SLC6A3: variants seen among roughly 807,000 people sequenced by gnomAD.
SLC6A3 encodes the protein sodium-dependent dopamine transporter.
SLC6A3 carries 19 observed loss-of-function variants against 70.4 expected under a neutral mutation model. The ratio of observed to expected loss-of-function variants is 0.27; its 90% confidence interval spans 0.19 to 0.40. The LOEUF (loss-of-function observed/expected upper bound fraction) is 0.40. SLC6A3 is among the 10% of genes least tolerant of loss of function. The pLI is 1.00. For missense variants in SLC6A3, 613 were observed against 838.5 expected, an observed-to-expected ratio of 0.73 and a Z score of 3.32; for synonymous variants, 368 against 356.6, an observed-to-expected ratio of 1.03 and a Z score of -0.36.
Position 1,432,525 on chromosome 5 carries a change from T to C in SLC6A3, c.592A>G (p.Ser198Gly). 1 of 1,614,216 alleles carries C rather than the reference T, an allele frequency of 6.2e-7. No homozygotes were observed. The highest frequency in any genetic ancestry group is 2.2e-5 in the East Asian group (1 of 44,884). ...NCSDAHPGDS[S>G]GDSSGLNDTF... The stretch of plus-strand genomic sequence containing the variant: ...TCGTTGAGGCCCGAGCTGTCTCCAC[T>C]GGAGTCACCAGGATGGGCATCCGAG... Residue 198 changes from serine (S) to glycine (G), a missense_variant, in exon 4 of 15, where the codon AGT becomes GGT. Physicochemically the swap from Ser to Gly is moderately conservative, Grantham distance 56. Coordinates refer to ENST00000270349, the MANE Select transcript of SLC6A3 (RefSeq NM_001044.5).
At chr5:1,425,042 G>A (rs933763232) in intron 4 of SLC6A3, among the ~76,000 whole-genome samples, 9 of 152,358 alleles carry the variant, frequency 5.9e-5, no homozygotes, top group African/African-American at 2.2e-4. Context: ...CCTACGTGCA[G>A]GTGTTTCATA....
chr5:1,443,164 A>G lies in SLC6A3; in HGVS notation c.34T>C (p.Ser12Pro), dbSNP rs149180162. The change falls in exon 2 of 15, where the codon TCT (serine) becomes CCT (proline). Residue 12 changes from serine (S) to proline (P), a missense_variant. Coordinates refer to ENST00000270349, the MANE Select transcript of SLC6A3 (RefSeq NM_001044.5). ...SKSKCSVGLM[S>P]SVVAPAKEPN... ...TCCTTAGCCGGGGCCACCACGGAAG[A>G]CATGAGTCCCACGGAGCATTTGCTC... is the stretch of plus-strand genomic sequence containing the variant. 2.0e-5 allele frequency: 33 copies of G among 1,614,134 alleles called. No individual in the cohort carries two copies. The African/African-American group carries it at 3.9e-4, about 19-fold the overall frequency.
chr5:1,400,538 C>T (rs1416717565), intron 14 of SLC6A3, among the ~76,000 whole-genome samples: 1 of 152,224 alleles, frequency 6.6e-6, no homozygotes, highest in Non-Finnish European at 1.5e-5. Context: ...CAGGCCTCCC[C>T]TCCTGGCACT....
At chr5:1,400,092 T>C (rs1314417803) in intron 14 of SLC6A3, among the ~76,000 whole-genome samples, 1 of 152,210 alleles carries the variant, frequency 6.6e-6, no homozygotes, top group Non-Finnish European at 1.5e-5. Flanking sequence ...TTCTCTCCCT[T>C]TTGCTGTGCA....
chr5:1,423,701 C>T (rs1212623835), intron 4 of SLC6A3, among the ~76,000 whole-genome samples: 1 of 152,220 alleles, frequency 6.6e-6, no homozygotes, highest in Admixed American at 6.5e-5. Flanking sequence ...GAACTCATTC[C>T]ATCCTGGTGA....
At chr5:1,432,804 C>T (rs974741917) in intron 3 of SLC6A3, 106 bp from the exon 4 acceptor site, 2 of 798,082 alleles carry the variant, frequency 2.5e-6, no homozygotes, top group Admixed American at 2.0e-5. Flanking sequence ...ACCCTGAGCC[C>T]ACAACTCCTG....
chr5:1,395,260 A>G (rs766464609), intron 14 of SLC6A3, among the ~76,000 whole-genome samples: 3 of 152,236 alleles, frequency 2.0e-5, no homozygotes, highest in Non-Finnish European at 2.9e-5. Flanking sequence ...TGCAGCGTGT[A>G]CTGACTGCTC....
chr5:1,401,499 A>G lies in SLC6A3; in HGVS notation c.1768-513T>C, dbSNP rs1456281510. Among the ~76,000 whole-genome samples the G allele has an allele frequency of 2.0e-5, 3 of 152,124 alleles. No homozygotes were observed. The highest frequency in any genetic ancestry group is 7.2e-5 in the African/African-American group (3 of 41,430). On this transcript the variant is annotated intron_variant, in intron 13 of 14. Transcript: ENST00000270349. This position sits in a 1 kb window ranked among gnomAD's most constrained non-coding sequence, Gnocchi z 6.1. The stretch of plus-strand genomic sequence containing the variant: ...AGCTCCTGGGGCCTGGACAGCACCA[A>G]GTCCTCCCAGAGCAGGCAGCATCTT...
rs1322991409 is a variant in SLC6A3 at position 1,394,425 on chromosome 5, A to T, written c.*310T>A. 1.9e-6 allele frequency: 1 copy of T among 526,780 alleles called. No homozygotes were observed. Among genetic ancestry groups the T allele is most frequent in the Non-Finnish European group, 3.4e-6 (1 of 291,156 alleles). The allele number at this position is 526,780 out of a possible 1,614,324, so 32.6% of individuals were successfully genotyped here. The stretch of plus-strand genomic sequence containing the variant: ...TCAGAGCCGGGAGCAGGGAGCAGGG[A>T]GGGAGGGAGCCTCACACAGACAGCA... On this transcript the variant is annotated 3_prime_UTR_variant, in exon 15 of 15. Transcript: ENST00000270349. The surrounding 1 kb of genome is among the most constrained non-coding windows in gnomAD (Gnocchi z 4.7).
At chr5:1,418,094 G>A (rs1266658390) in intron 6 of SLC6A3, among the ~76,000 whole-genome samples, 2 of 152,190 alleles carry the variant, frequency 1.3e-5, no homozygotes, top group Non-Finnish European at 2.9e-5. Context: ...GAGTGGCTGG[G>A]TGGGCAGTGG....
chr5:1,426,622 G>T (rs1227348436), intron 4 of SLC6A3, among the ~76,000 whole-genome samples: 2 of 152,122 alleles, frequency 1.3e-5, no homozygotes, highest in African/African-American at 4.8e-5. Context: ...GCCTTAAAAA[G>T]GAATGAAATT....
chr5:1,443,027 G>A lies in SLC6A3; in HGVS notation c.171C>T (p.Ala57=), dbSNP rs1156842746. Residue 57 remains alanine, a synonymous_variant, in exon 2 of 15, where the codon GCC becomes GCT. Transcript: ENST00000270349. ...LTNPRQSPVE[A]QDRETWGKKI... is the part of the protein sequence containing the mutation. ...TCTTGCCCCAGGTCTCCCGATCCTG[G>A]GCCTCCACGGGGCTCTGCCGCGGGT... 2 of 1,614,224 alleles carry A rather than the reference G, an allele frequency of 1.2e-6. No individual in the cohort carries two copies. Among genetic ancestry groups the A allele is most frequent in the South Asian group, 1.1e-5 (1 of 91,090 alleles).
rs930870646 is a variant in SLC6A3 at position 1,397,985 on chromosome 5, T to C, written c.1839+2930A>G. Among the ~76,000 whole-genome samples, 1 of 152,206 alleles carries C rather than the reference T, an allele frequency of 6.6e-6. No individual in the cohort carries two copies. The highest frequency in any genetic ancestry group is 1.5e-5 in the Non-Finnish European group (1 of 68,042). ...AGTAGGAGGAAGATTTAAGTCCTTA[T>C]AATGGGATGGGGTTAAAATATGGTT... On this transcript the variant is annotated intron_variant, in intron 14 of 14. Transcript: ENST00000270349. This position sits in a 1 kb window ranked among gnomAD's most constrained non-coding sequence, Gnocchi z 4.7.
intron 4 of SLC6A3, among the ~76,000 whole-genome samples, chr5:1,426,844 A>G (rs2173947): frequency 0.21 from 32,635 of 152,146 alleles, 3,551 homozygotes; most frequent in South Asian, 0.27. Flanking sequence ...GGAGGAGGAG[A>G]AAGTTCCAAT....
In SLC6A3 at chr5:1,441,426, C is replaced by A; in HGVS notation, c.351G>T (p.Glu117Asp). 2 of 1,614,232 alleles carry A rather than the reference C, an allele frequency of 1.2e-6. No individual in the cohort carries two copies. The highest frequency in any genetic ancestry group is 1.7e-6 in the Non-Finnish European group (2 of 1,180,026). The change falls in exon 3 of 15, where the codon GAG becomes GAT. Residue 117 changes from glutamate to aspartate, a missense_variant. Physicochemically the swap from Glu to Asp is conservative, Grantham distance 45. Around this residue, in one of 4 missense-constraint regions of SLC6A3, gnomAD observed 153 missense variants for 249.4 expected, o/e 0.61. Transcript: ENST00000270349. ...VIAGMPLFYM[E>D]LALGQFNREG... ...CCCTGTTGAACTGGCCGAGGGCCAGCTCCATGTAGAAAAGTGGCATCCCAG... is the reference window on the plus strand; with the variant it reads ...CCCTGTTGAACTGGCCGAGGGCCAGATCCATGTAGAAAAGTGGCATCCCAG...
Position 1,413,969 on chromosome 5 carries a change from C to T in SLC6A3, c.1156+722G>A, listed in dbSNP as rs966813348. Among the ~76,000 whole-genome samples the T allele has an allele frequency of 6.6e-6, 1 of 151,732 alleles. No individual in the cohort carries two copies. Among genetic ancestry groups the T allele is most frequent in the South Asian group, 2.3e-4 (1 of 4,358 alleles). Reference sequence around the variant, plus strand: ...GGCCTCCCCCCACCACTCACCTGTGCCTGCCCGAGACCTGGACCCCTCCCC... The same window carrying T: ...GGCCTCCCCCCACCACTCACCTGTGTCTGCCCGAGACCTGGACCCCTCCCC... On this transcript the variant is annotated intron_variant, in intron 8 of 14. Transcript: ENST00000270349. This position sits in a 1 kb window ranked among gnomAD's most constrained non-coding sequence, Gnocchi z 7.1.
chr5:1,417,222 A>G (rs1003629280), intron 6 of SLC6A3, among the ~76,000 whole-genome samples: 2 of 147,152 alleles, frequency 1.4e-5, no homozygotes, highest in African/African-American at 5.1e-5. Flanking sequence ...ATCATCCACA[A>G]GCTGCATGAT....
rs547897828 is a variant in SLC6A3, at chr5:1,439,057, G to A, written c.418+2302C>T. Among the ~76,000 whole-genome samples the A allele has an allele frequency of 1.8e-3, 270 of 152,324 alleles. 1 individual carries two copies. The highest frequency in any genetic ancestry group is 3.1e-3 in the Non-Finnish European group (212 of 68,034). On this transcript the variant is annotated intron_variant, in intron 3 of 14. Transcript: ENST00000270349. Reference sequence around the variant, plus strand: ...GCCAGGCAGGACACAGGTAACGCGTGTGTCTTGAACTGTTAGCCTGGGTTC... The same window carrying A: ...GCCAGGCAGGACACAGGTAACGCGTATGTCTTGAACTGTTAGCCTGGGTTC...
rs538556315 is a variant in SLC6A3 at position 1,397,506 on chromosome 5, C to T, written c.1840-2748G>A. 1.3e-5 allele frequency among the ~76,000 whole-genome samples: 2 copies of T among 152,132 alleles called. No homozygotes were observed. The highest frequency in any genetic ancestry group is 1.9e-4 in the East Asian group (1 of 5,194). On this transcript the variant is annotated intron_variant, in intron 14 of 14. Coordinates refer to ENST00000270349, the MANE Select transcript of SLC6A3 (RefSeq NM_001044.5). The surrounding 1 kb of genome is among the most constrained non-coding windows in gnomAD (Gnocchi z 4.7). ...ACACTCCGCAGTGAACCCGAGACAC[C>T]GAAAGCAGAAGAAACTCGGCCGAGT...
Sources: allele counts gnomAD v4.1 joint callset (sites outside exome capture counted in the v4.1 genomes callset), GRCh38; gene constraint gnomAD v4.1.1; regional missense constraint gnomAD v4.1.1; non-coding constraint Gnocchi (gnomAD v3.1); transcripts MANE v1.5; gene names NCBI Gene and HGNC (gene_info 2026-07-23, HGNC 2026-07-21).